Variants in HPCAL1 observed in about 807,000 individuals in gnomAD.
HPCAL1 encodes the protein hippocalcin like 1.
In HPCAL1, 8 loss-of-function variants were observed where a neutral mutation model predicts 17.1. The observed-to-expected ratio is 0.47, with a 90% CI of 0.27 to 0.84. The LOEUF is 0.84. Among genes scored for constraint, HPCAL1 ranks in the 40% least tolerant of loss-of-function variants. The probability of loss-of-function intolerance (pLI) is 0.13; values close to 1 mark genes in which losing one functional copy is unlikely to be tolerated. For missense variants in HPCAL1, 165 were observed against 271.1 expected (o/e 0.61, Z 2.75); for synonymous variants, 112 against 111.4 (o/e 1.01, Z -0.03).
intron 2 of HPCAL1, among the ~76,000 whole-genome samples, chr2:10,411,679 G>T (rs541242224): frequency 1.3e-5 from 2 of 152,328 alleles, no homozygotes; most frequent in South Asian, 4.1e-4. Flanking sequence ...CTCAGCCTGG[G>T]ATTCGGCACT....
rs960311932 is a variant in HPCAL1 at position 10,331,692 on chromosome 2, TC to T, written c.-111+28520del. Among the ~76,000 whole-genome samples, 2 of 152,068 alleles carry T rather than the reference TC, an allele frequency of 1.3e-5. No homozygotes were observed. On this transcript the variant is annotated intron_variant, in intron 1 of 4. Transcript: ENST00000307845. The surrounding 1 kb of genome is among the most constrained non-coding windows in gnomAD (Gnocchi z 5.0). Reference sequence around the variant, plus strand: ...CCGGCTGTCAGAGGCATCTGTCTCTTCCCCCGCATGCATCTTTCTCCCCGTC... The same window carrying T: ...CCGGCTGTCAGAGGCATCTGTCTCTTCCCCGCATGCATCTTTCTCCCCGTC...
intron 1 of HPCAL1, among the ~76,000 whole-genome samples, chr2:10,381,995 G>A (rs781508804): frequency 2.0e-5 from 3 of 152,194 alleles, no homozygotes; most frequent in Non-Finnish European, 4.4e-5. Flanking sequence ...CTTTATTCAC[G>A]ATTATTCATA....
Position 10,423,076 on chromosome 2 carries a change from A to G in HPCAL1, c.472A>G (p.Thr158Ala). ...AGACAAGATCTTCAGGCAGATGGAC[A>G]CCAACAATGACGGTAGTGCGGGGTG... ...RTDKIFRQMDTNNDGKLSLEE... is the reference protein window; with the variant it reads ...RTDKIFRQMDANNDGKLSLEE... Residue 158 changes from threonine to alanine, a missense_variant, in exon 4 of 5, where the codon ACC (threonine) becomes GCC (alanine). Coordinates refer to ENST00000307845, the MANE Select transcript of HPCAL1 (RefSeq NM_002149.4). 5 of 1,611,630 alleles carry G rather than the reference A, an allele frequency of 3.1e-6. No homozygotes were observed. Among genetic ancestry groups the G allele is most frequent in the Non-Finnish European group, 4.2e-6 (5 of 1,178,254 alleles).
At chr2:10,360,813 A>C (rs186817696) in intron 1 of HPCAL1, among the ~76,000 whole-genome samples, 1 of 151,866 alleles carries the variant, frequency 6.6e-6, no homozygotes, top group East Asian at 2.0e-4. Context: ...CAGCATAGTT[A>C]ACCTGGGACT....
At chr2:10,334,887 A>G (rs6735172) in intron 1 of HPCAL1, among the ~76,000 whole-genome samples, 20,441 of 152,152 alleles carry the variant, frequency 0.13, 1,480 homozygotes, top group South Asian at 0.24. Flanking sequence ...CAAGTTGCCC[A>G]GCCTGGTCTT....
intron 4 of HPCAL1, 99 bp downstream of exon 4, chr2:10,423,187 C>T: frequency 1.1e-6 from 1 of 883,266 alleles, no homozygotes; most frequent in Non-Finnish European, 1.8e-6. Flanking sequence ...TCTTGGTCTC[C>T]TGAGGGCCAC....
At chr2:10,347,917 A>G (rs1665573835) in intron 1 of HPCAL1, among the ~76,000 whole-genome samples, 1 of 152,206 alleles carries the variant, frequency 6.6e-6, no homozygotes, top group Admixed American at 6.5e-5. Context: ...GTGCTGTAGA[A>G]GGACCATTTC....
chr2:10,303,823 C>T (rs893766450), intron 1 of HPCAL1: 23 of 152,330 alleles, frequency 1.5e-4, no homozygotes, highest in African/African-American at 5.5e-4. Flanking sequence ...AGACGCGCCA[C>T]CTTCCCCGGT....
chr2:10,325,732 C>T (rs1663968242), intron 1 of HPCAL1, among the ~76,000 whole-genome samples: 1 of 152,254 alleles, frequency 6.6e-6, no homozygotes, highest in Non-Finnish European at 1.5e-5. Context: ...GCTGCAGGTG[C>T]TTCATCTTAA....
chr2:10,347,463 G>A (rs1166374916), intron 1 of HPCAL1, among the ~76,000 whole-genome samples: 1 of 152,188 alleles, frequency 6.6e-6, no homozygotes, highest in East Asian at 1.9e-4. Flanking sequence ...GGACCACGGT[G>A]GGGCAAAGGT....
At chr2:10,418,150 C>T (rs1670791229) in intron 2 of HPCAL1, among the ~76,000 whole-genome samples, 1 of 152,068 alleles carries the variant, frequency 6.6e-6, no homozygotes, top group Non-Finnish European at 1.5e-5. Context: ...GGCGTGGTGG[C>T]TTATGCCTAT....
In HPCAL1 at chr2:10,426,830, C is replaced by T. The variant is rs1671438918; in HGVS notation, c.*9C>T. ...GTGCCAGTCAGTTCTGAGCGAGCGG[C>T]CCCTGGACAGTTGCAGAGAAACACA... is the stretch of plus-strand genomic sequence containing the variant. On this transcript the variant is annotated 3_prime_UTR_variant, in exon 5 of 5. Transcript: ENST00000307845. 1.9e-6 allele frequency: 3 copies of T among 1,609,724 alleles called. No homozygotes were observed. The highest frequency in any genetic ancestry group is 1.3e-5 in the African/African-American group (1 of 74,988).
chr2:10,332,465 C>T (rs1398035983), intron 1 of HPCAL1, among the ~76,000 whole-genome samples: 1 of 152,114 alleles, frequency 6.6e-6, no homozygotes, highest in Non-Finnish European at 1.5e-5. Context: ...TTATCTAGAA[C>T]AGCTTCTGCC....
intron 1 of HPCAL1, among the ~76,000 whole-genome samples, chr2:10,324,890 T>C (rs1419665929): frequency 1.4e-5 from 2 of 146,354 alleles, no homozygotes; most frequent in African/African-American, 5.1e-5. Context: ...TGGCATGATC[T>C]TGGCTCACTG....
rs191155068 is a variant in HPCAL1 at position 10,325,178 on chromosome 2, C to T, written c.-111+22001C>T. Among the ~76,000 whole-genome samples the T allele has an allele frequency of 1.2e-3, 178 of 152,208 alleles. 2 individuals are homozygous for T. Among genetic ancestry groups the T allele is most frequent in the African/African-American group, 4.2e-3 (173 of 41,526 alleles). The stretch of plus-strand genomic sequence containing the variant: ...TTTTGATTTTAGAGAGAGGGTCTCG[C>T]TCTGTGGCCCAGGCTGGAGCACACT... On this transcript the variant is annotated intron_variant, in intron 1 of 4. Transcript: ENST00000307845.
At position 10,422,045 on chromosome 2, in the gene HPCAL1, G is replaced by A. The variant is rs188182554; in HGVS notation, c.379-938G>A. ...CAAATAGGTGTGCCTGTCACTGGCC[G>A]TGCAGAGGCTTGGTCAGAACATCAA... On this transcript the variant is annotated intron_variant, in intron 3 of 4. Transcript: ENST00000307845. Among the ~76,000 whole-genome samples the A allele has an allele frequency of 9.2e-5, 14 of 152,232 alleles. No homozygotes were observed. In the East Asian group the frequency reaches 1.2e-3, roughly 13 times the overall value.
intron 1 of HPCAL1, among the ~76,000 whole-genome samples, chr2:10,350,513 T>C (rs561847697): frequency 2.0e-5 from 3 of 152,184 alleles, no homozygotes; most frequent in African/African-American, 7.2e-5. Flanking sequence ...GATCTCACCA[T>C]ATTGCCTTGG....
chr2:10,324,816 GTTTTTTTTTTTTTTT>G (rs3036350), intron 1 of HPCAL1, among the ~76,000 whole-genome samples: 69 of 66,382 alleles, frequency 1.0e-3, no homozygotes, highest in Admixed American at 1.5e-3. Flanking sequence ...TGGTTTTTGT[GTTTTTTTTTTTTTTT>G]TTTTTTTTTG....
rs540726958 is a variant in HPCAL1 at position 10,310,010 on chromosome 2, G to A, written c.-111+6833G>A. ...TTGCAAAATACCTTGGAAAGATCAGGGACACTGGGGTTTGAATTGTAGTCT... is the reference window on the plus strand; with the variant it reads ...TTGCAAAATACCTTGGAAAGATCAGAGACACTGGGGTTTGAATTGTAGTCT... On this transcript the variant is annotated intron_variant, in intron 1 of 4. Coordinates refer to ENST00000307845, the MANE Select transcript of HPCAL1 (RefSeq NM_002149.4). The surrounding 1 kb of genome is among the most constrained non-coding windows in gnomAD (Gnocchi z 4.5). Among the ~76,000 whole-genome samples the A allele has an allele frequency of 2.0e-5, 3 of 152,152 alleles. No individual in the cohort carries two copies. The highest frequency in any genetic ancestry group is 4.4e-5 in the Non-Finnish European group (3 of 68,022).
Sources: allele counts gnomAD v4.1 joint callset (sites outside exome capture counted in the v4.1 genomes callset), GRCh38; gene constraint gnomAD v4.1.1; non-coding constraint Gnocchi (gnomAD v3.1); transcripts MANE v1.5; gene names NCBI Gene and HGNC (gene_info 2026-07-23, HGNC 2026-07-21).